The following WASF3 variants were observed in gnomAD, a reference collection of about 807,000 sequenced individuals.
WASF3 encodes actin-binding protein WASF3.
A neutral mutation model predicts 46.6 loss-of-function variants in WASF3; 11 were observed. The ratio of observed to expected loss-of-function variants is 0.24; its 90% confidence interval spans 0.15 to 0.39. The LOEUF is 0.39. Ranked by LOEUF, WASF3 falls within the 10% of genes least tolerant of loss-of-function variation. WASF3 has a pLI of 1.00. For missense variants in WASF3, 576 were observed against 669.8 expected, an observed-to-expected ratio of 0.86 and a Z score of 1.55; for synonymous variants, 242 against 259.7, an observed-to-expected ratio of 0.93 and a Z score of 0.65.
At chr13:26,608,359 GCTCT>G (rs771029668) in intron 1 of WASF3, among the ~76,000 whole-genome samples, 4 of 152,176 alleles carry the variant, frequency 2.6e-5, no homozygotes, top group Admixed American at 6.5e-5. Context: ...CTCTTTATTT[GCTCT>G]CTCTTAGTAT....
In WASF3 at chr13:26,665,041, AGACATATTTG is replaced by A; in HGVS notation, c.149_158del (p.Asp50ValfsTer45). 1.2e-6 allele frequency: 2 copies of A among 1,614,106 alleles called. No individual in the cohort carries two copies. The highest frequency in any genetic ancestry group is 1.7e-6 in the Non-Finnish European group (2 of 1,179,974). ...TTTATTCTACAGGCAAACATGCTGA[AGACATATTTG>A]GTGAGTTGTTTAATGAGGCTAACAA... On this transcript the variant is annotated frameshift_variant, in exon 4 of 10. Coordinates refer to ENST00000335327, the MANE Select transcript of WASF3 (RefSeq NM_006646.6). LOFTEE classifies it high-confidence loss of function.
chr13:26,586,738 A>T (rs1880139276), intron 1 of WASF3, among the ~76,000 whole-genome samples: 1 of 152,094 alleles, frequency 6.6e-6, no homozygotes, highest in Non-Finnish European at 1.5e-5. Flanking sequence ...ACTGGGTTTT[A>T]GACCTTATTC....
chr13:26,577,585 A>G (rs752240778), intron 1 of WASF3: 3 of 1,126,824 alleles, frequency 2.7e-6, no homozygotes, highest in Non-Finnish European at 4.0e-6. Flanking sequence ...TTCATGGTGA[A>G]GGCAGTAGTT....
At chr13:26,555,764 T>A (rs1365671337), upstream of WASF3, among the ~76,000 whole-genome samples, 1 of 152,200 alleles carries the variant, frequency 6.6e-6, no homozygotes, top group Non-Finnish European at 1.5e-5. Flanking sequence ...TGTGGCTGTC[T>A]CCAGGTTTCT....
intron 2 of WASF3, chr13:26,619,553 G>A (rs867387055): frequency 6.6e-6 from 1 of 152,142 alleles, no homozygotes. Flanking sequence ...TCAACTCAGT[G>A]GTTAACCAAA....
rs1883176991 is a variant in WASF3, at chr13:26,679,994, C to T, written c.717-1060C>T. On this transcript the variant is annotated intron_variant, in intron 7 of 9. Transcript: ENST00000335327. This position sits in a 1 kb window ranked among gnomAD's most constrained non-coding sequence, Gnocchi z 4.8. The stretch of plus-strand genomic sequence containing the variant: ...GGAAATGCAGCGTGCATCTTCCCTG[C>T]TCCCTCAGCACCCCCAATGTGTGTT... 4.4e-6 allele frequency: 7 copies of T among 1,579,620 alleles called. No homozygotes were observed. In the East Asian group the frequency reaches 1.1e-4, roughly 25 times the overall value.
intron 2 of WASF3, among the ~76,000 whole-genome samples, chr13:26,614,376 A>G (rs556455533): frequency 7.8e-4 from 119 of 152,346 alleles, no homozygotes; most frequent in Non-Finnish European, 1.1e-3. Context: ...GAAATTCCAA[A>G]ATATTTTGAA....
At chr13:26,599,812 G>C (rs1403942781) in intron 1 of WASF3, among the ~76,000 whole-genome samples, 1 of 152,074 alleles carries the variant, frequency 6.6e-6, no homozygotes, top group East Asian at 1.9e-4. Context: ...CTAAATCCTG[G>C]GGCAAATTGT....
At chr13:26,658,819 G>A (rs990076306) in intron 3 of WASF3, among the ~76,000 whole-genome samples, 19 of 152,342 alleles carry the variant, frequency 1.2e-4, no homozygotes, top group African/African-American at 4.3e-4. Context: ...GTGGAGCACA[G>A]AGGGGGTCAA....
intron 2 of WASF3, among the ~76,000 whole-genome samples, chr13:26,629,565 T>G (rs2137258164): frequency 6.6e-6 from 1 of 152,306 alleles, no homozygotes; most frequent in Admixed American, 6.5e-5. Context: ...CTGATCCGTC[T>G]GAAAAACCAA....
chr13:26,559,788 T>TTTTCTTTC (rs1555246392), intron 1 of WASF3, among the ~76,000 whole-genome samples: 88 of 80,548 alleles, frequency 1.1e-3, no homozygotes, highest in African/African-American at 2.7e-3. Flanking sequence ...TTTTCTTTTC[T>TTTTCTTTC]TTTCTTTCTT....
intron 9 of WASF3, among the ~76,000 whole-genome samples, chr13:26,684,415 G>A (rs1340638482): frequency 6.6e-6 from 1 of 151,970 alleles, no homozygotes; most frequent in Non-Finnish European, 1.5e-5. Flanking sequence ...AAAACGAGAA[G>A]GTTGTAAAAC....
chr13:26,659,263 G>T (rs141157542), intron 3 of WASF3, among the ~76,000 whole-genome samples: 42 of 152,254 alleles, frequency 2.8e-4, no homozygotes, highest in African/African-American at 8.9e-4. Flanking sequence ...AGTGGTCTAC[G>T]CAGAAGGAAC....
rs938992355 is a variant in WASF3, at chr13:26,688,687, A to T, written c.*2842A>T. On this transcript the variant is annotated 3_prime_UTR_variant, in exon 10 of 10. Coordinates refer to ENST00000335327, the MANE Select transcript of WASF3 (RefSeq NM_006646.6). The stretch of plus-strand genomic sequence containing the variant: ...TTGTAAAAGTTTTATAATAATTTGC[A>T]ATTAAAATACATGATACATATTAAT... 3 of 152,274 alleles carry T rather than the reference A, an allele frequency of 2.0e-5. No individual in the cohort carries two copies. The highest frequency in any genetic ancestry group is 7.2e-5 in the African/African-American group (3 of 41,484). 9.4% of individuals were successfully genotyped at this position (152,274 alleles called of 1,614,324 possible). A position where few individuals can be genotyped will look rare whatever the true frequency, so the allele number is the denominator to read the frequency against.
At chr13:26,553,460 T>C (rs1301614738), upstream of WASF3, among the ~76,000 whole-genome samples, 5 of 152,000 alleles carry the variant, frequency 3.3e-5, no homozygotes, top group East Asian at 9.7e-4. Flanking sequence ...TGGAGATATA[T>C]GCTGAAGTAT....
At position 26,650,239 on chromosome 13, in the gene WASF3, G is replaced by A. The variant is rs114716334; in HGVS notation, c.133+7836G>A. 2.5e-3 allele frequency among the ~76,000 whole-genome samples: 374 copies of A among 152,216 alleles called. 2 individuals carry two copies. Among genetic ancestry groups the A allele is most frequent in the African/African-American group, 8.4e-3 (349 of 41,512 alleles). On this transcript the variant is annotated intron_variant, in intron 3 of 9. Coordinates refer to ENST00000335327, the MANE Select transcript of WASF3 (RefSeq NM_006646.6). ...GTCCTGCCTAACCTGAGGGGAAGCG[G>A]GAGTGAGACCCAGGGCCCCAGGCTC...
chr13:26,567,721 T>TAA (rs1178895243), intron 1 of WASF3, among the ~76,000 whole-genome samples: 7 of 151,904 alleles, frequency 4.6e-5, no homozygotes, highest in Middle Eastern at 3.4e-3. Context: ...TATATATATA[T>TAA]AATCTCCCTT....
chr13:26,577,385 A>G (rs1443806289), intron 1 of WASF3: 3 of 770,632 alleles, frequency 3.9e-6, no homozygotes, highest in Middle Eastern at 2.3e-4. Flanking sequence ...CCGGAAGAAT[A>G]TGATGGAAAT....
chr13:26,637,572 T>C (rs1375521311), intron 2 of WASF3, among the ~76,000 whole-genome samples: 1 of 152,186 alleles, frequency 6.6e-6, no homozygotes, highest in Non-Finnish European at 1.5e-5. Flanking sequence ...AGCTGTTAAC[T>C]GCTTGTTAAC....
Sources: gnomAD v4.1 joint callset for allele counts (sites outside exome capture counted in the v4.1 genomes callset) on GRCh38, gnomAD v4.1.1 for gene constraint, Gnocchi (gnomAD v3.1) non-coding constraint, MANE v1.5 for transcripts, NCBI Gene and HGNC (gene_info 2026-07-23, HGNC 2026-07-21) for gene names.